The following PDE12 variants were observed in gnomAD, a reference collection of about 807,000 sequenced individuals.
PDE12 encodes the protein 2',5'-phosphodiesterase 12.
In PDE12, 26 loss-of-function variants were observed where a neutral mutation model predicts 45.4. That is an observed-to-expected ratio of 0.57 (90% CI 0.42 to 0.79). PDE12 has a LOEUF of 0.79. PDE12 is among the 30% of genes least tolerant of loss of function. The probability of loss-of-function intolerance (pLI) is 0.00; values close to 1 mark genes in which losing one functional copy is unlikely to be tolerated. For missense variants in PDE12, 668 were observed against 790.0 expected (o/e 0.85, Z 1.85); for synonymous variants, 283 against 323.9 (o/e 0.87, Z 1.36).
At chr3:57,617,997 C>T in the PDE12 span, among the ~76,000 whole-genome samples, 1 of 152,106 alleles carries the variant, frequency 6.6e-6, no homozygotes, top group East Asian at 1.9e-4. Flanking sequence ...GTGGATGCAG[C>T]TGGAGGCCAT....
Position 57,556,589 on chromosome 3 carries a change from G to A in PDE12, c.210G>A (p.Pro70=). Residue 70 remains proline (P), a synonymous_variant, in exon 1 of 3, where the codon CCG becomes CCA. Coordinates refer to ENST00000311180, the MANE Select transcript of PDE12 (RefSeq NM_177966.7). This position sits in a 1 kb window ranked among gnomAD's most constrained non-coding sequence, Gnocchi z 5.0. ...ACATGCAGCGCGACCAGAGCGAGCC[G>A]CTGGGTCGAGTCCTCAGCCGCATCG... ...HKNMQRDQSE[P]LGRVLSRIAT... 6.2e-7 allele frequency: 1 copy of A among 1,613,184 alleles called. No homozygotes were observed. The highest frequency in any genetic ancestry group is 8.5e-7 in the Non-Finnish European group (1 of 1,179,840).
At chr3:57,632,838 T>C in the PDE12 span, among the ~76,000 whole-genome samples, 1 of 152,214 alleles carries the variant, frequency 6.6e-6, no homozygotes, top group Non-Finnish European at 1.5e-5. Flanking sequence ...ACAGATATAG[T>C]CCCTGTTATC....
At chr3:57,654,894 A>T in the PDE12 span, 2 of 681,090 alleles carry the variant, frequency 2.9e-6, no homozygotes, top group African/African-American at 3.9e-5. Flanking sequence ...ATAAACGTGA[A>T]ATGTAAGCTC....
In PDE12 at chr3:57,557,816, T is replaced by C. The variant is rs1443407456; in HGVS notation, c.1308+129T>C. On this transcript the variant is annotated intron_variant, in intron 1 of 2. Transcript: ENST00000311180. ...TTGTTGAAAGGTGTGTTTGCCCTTG[T>C]ATCTTCAGCACAAAGTTTACTCTTC... 4.9e-6 allele frequency: 4 copies of C among 821,890 alleles called. No individual in the cohort carries two copies. In the Admixed American group the frequency reaches 1.1e-4, roughly 23 times the overall value. 50.9% of individuals were successfully genotyped at this position (821,890 alleles called of 1,614,324 possible).
At chr3:57,646,725 G>T in the PDE12 span, among the ~76,000 whole-genome samples, 1 of 152,106 alleles carries the variant, frequency 6.6e-6, no homozygotes, top group East Asian at 1.9e-4. Flanking sequence ...TTCTCAAATT[G>T]TTGTACCATA....
the PDE12 span, among the ~76,000 whole-genome samples, chr3:57,590,304 G>A: frequency 6.6e-6 from 1 of 151,454 alleles, no homozygotes; most frequent in Non-Finnish European, 1.5e-5. Context: ...GGCCAAGATG[G>A]TGAAACCCTG....
rs1432779967 is a variant in PDE12, at chr3:57,562,449, C to G, written c.*2445C>G. On this transcript the variant is annotated 3_prime_UTR_variant, in exon 3 of 3. Coordinates refer to ENST00000311180, the MANE Select transcript of PDE12 (RefSeq NM_177966.7). The stretch of plus-strand genomic sequence containing the variant: ...GATTGGAGTCCAAAGGTAGGGAACA[C>G]TAAGAAAATGTATAAATAGCATACA... 6.6e-6 allele frequency: 1 copy of G among 152,146 alleles called. No individual in the cohort carries two copies. The highest frequency in any genetic ancestry group is 2.4e-5 in the African/African-American group (1 of 41,430). The allele number at this position is 152,146 out of a possible 1,614,324, so 9.4% of individuals were successfully genotyped here.
chr3:57,560,336 T>A lies in PDE12; in HGVS notation c.*332T>A, dbSNP rs2069715223. ...TTGTTTGTTTTTGTTTTTGTTTTTG[T>A]TTTTTTGAGATGGAGTTTCACTCTT... On this transcript the variant is annotated 3_prime_UTR_variant, in exon 3 of 3. Coordinates refer to ENST00000311180, the MANE Select transcript of PDE12 (RefSeq NM_177966.7). The A allele has an allele frequency of 9.5e-7, 1 of 1,054,888 alleles. No individual in the cohort carries two copies. Among genetic ancestry groups the A allele is most frequent in the African/African-American group, 1.7e-5 (1 of 58,518 alleles). 65.3% of individuals were successfully genotyped at this position (1,054,888 alleles called of 1,614,324 possible). A position where few individuals can be genotyped will look rare whatever the true frequency, so the allele number is the denominator to read the frequency against.
At chr3:57,653,310 T>C in the PDE12 span, among the ~76,000 whole-genome samples, 2 of 152,164 alleles carry the variant, frequency 1.3e-5, no homozygotes. Context: ...AGGGCACACA[T>C]AGAAGATAGG....
At chr3:57,575,959 T>C in the PDE12 span, among the ~76,000 whole-genome samples, 4 of 152,148 alleles carry the variant, frequency 2.6e-5, no homozygotes, top group East Asian at 1.9e-4. Context: ...TGATTACCCA[T>C]TGTCAGGACT....
chr3:57,584,511 C>A, the PDE12 span: 2 of 1,454,526 alleles, frequency 1.4e-6, no homozygotes, highest in Non-Finnish European at 9.5e-7. Context: ...AAAGCACACT[C>A]CAAGAAATAA....
the PDE12 span, among the ~76,000 whole-genome samples, chr3:57,574,062 C>T: frequency 2.0e-5 from 3 of 152,198 alleles, no homozygotes; most frequent in Non-Finnish European, 4.4e-5. Context: ...CTGCCTCAGC[C>T]TCCAGAGTAG....
chr3:57,645,839 G>A, the PDE12 span: 38 of 949,640 alleles, frequency 4.0e-5, no homozygotes, highest in Non-Finnish European at 5.2e-5. Context: ...CTATACAAAC[G>A]GTATACACAC....
the PDE12 span, chr3:57,572,062 G>T: frequency 1.7e-6 from 1 of 603,794 alleles, no homozygotes; most frequent in Non-Finnish European, 2.9e-6. Context: ...CATTATACTC[G>T]GTAAACAATA....
the PDE12 span, among the ~76,000 whole-genome samples, chr3:57,616,055 G>A: frequency 3.3e-4 from 50 of 152,176 alleles, no homozygotes; most frequent in Admixed American, 3.1e-3. Flanking sequence ...CAGGCGTGCT[G>A]CTCATGCCTG....
the PDE12 span, among the ~76,000 whole-genome samples, chr3:57,643,060 T>A: frequency 1.3e-5 from 2 of 149,478 alleles, no homozygotes; most frequent in Admixed American, 6.7e-5. Context: ...AGTTATCTTA[T>A]GAGGAGAGAA....
rs1431717492 is a variant in PDE12, at chr3:57,560,428, C to T, written c.*424C>T. ...GCAACCTCCGCCCCCTGGGTTTAAG[C>T]GATTCTCCTGCCTCAGCTTCCCGAG... On this transcript the variant is annotated 3_prime_UTR_variant, in exon 3 of 3. Transcript: ENST00000311180. The T allele has an allele frequency of 1.8e-5, 9 of 513,050 alleles. No homozygotes were observed. The highest frequency in any genetic ancestry group is 2.3e-5 in the Non-Finnish European group (9 of 396,140). 31.8% of individuals were successfully genotyped at this position (513,050 alleles called of 1,614,324 possible). A position where few individuals can be genotyped will look rare whatever the true frequency, so the allele number is the denominator to read the frequency against.
At chr3:57,628,253 C>A in the PDE12 span, 31 of 1,613,988 alleles carry the variant, frequency 1.9e-5, no homozygotes, top group Non-Finnish European at 2.6e-5. Flanking sequence ...CTTGCAAGTC[C>A]TCTGGCAATG....
chr3:57,598,298 T>C, the PDE12 span: 7 of 152,354 alleles, frequency 4.6e-5, no homozygotes, highest in East Asian at 1.3e-3. Context: ...TATGTGGTTC[T>C]GTAGTTGCTT....
Sources: allele counts gnomAD v4.1 joint callset (sites outside exome capture counted in the v4.1 genomes callset), GRCh38; gene constraint gnomAD v4.1.1; non-coding constraint Gnocchi (gnomAD v3.1); transcripts MANE v1.5; gene names NCBI Gene and HGNC (gene_info 2026-07-23, HGNC 2026-07-21).